Variants in GRIP1 observed in about 807,000 individuals in gnomAD.
GRIP1 encodes the protein glutamate receptor-interacting protein 1.
GRIP1 carries 45 observed loss-of-function variants against 129.9 expected under a neutral mutation model. The observed-to-expected ratio is 0.35, with a 90% CI of 0.27 to 0.44. The LOEUF (loss-of-function observed/expected upper bound fraction) is 0.44, where lower values mean the gene tolerates loss of function less well. GRIP1 is among the 20% of genes least tolerant of loss of function. The probability of loss-of-function intolerance (pLI) is 1.00; values close to 1 mark genes in which losing one functional copy is unlikely to be tolerated. For synonymous variants in GRIP1, 530 were observed against 520.8 expected (o/e 1.02, Z -0.24); for missense variants, 1,196 against 1,396.8 (o/e 0.86, Z 2.29).
intron 2 of GRIP1, among the ~76,000 whole-genome samples, chr12:66,562,798 C>G (rs990879706): frequency 3.3e-5 from 5 of 152,096 alleles, no homozygotes; most frequent in Non-Finnish European, 7.3e-5. Context: ...CAAAACTTAA[C>G]TATTAATAGC....
chr12:67,050,793 T>G (rs554826442), intron 1 of GRIP1, among the ~76,000 whole-genome samples: 60 of 152,278 alleles, frequency 3.9e-4, no homozygotes, highest in African/African-American at 1.4e-3. Context: ...CTCTGCCCAC[T>G]GCTTTACCCC....
chr12:66,536,862 A>G (rs1592508714), intron 4 of GRIP1, among the ~76,000 whole-genome samples: 1 of 152,096 alleles, frequency 6.6e-6, no homozygotes, highest in South Asian at 2.1e-4. Flanking sequence ...AATTCTACCA[A>G]CTCTTCATAA....
chr12:66,352,286 C>T (rs1005173025), intron 24 of GRIP1, among the ~76,000 whole-genome samples: 3 of 152,068 alleles, frequency 2.0e-5, no homozygotes, highest in African/African-American at 7.2e-5. Flanking sequence ...TAAGTCGCAG[C>T]ATGTGAGCAG....
At chr12:66,723,913 T>C (rs2136461676) in intron 1 of GRIP1, among the ~76,000 whole-genome samples, 1 of 152,190 alleles carries the variant, frequency 6.6e-6, no homozygotes, top group Admixed American at 6.5e-5. Context: ...ATTAGGTCAG[T>C]GGTAGAGGGA....
intron 2 of GRIP1, among the ~76,000 whole-genome samples, chr12:66,577,199 C>T (rs1322234948): frequency 6.6e-6 from 1 of 152,188 alleles, no homozygotes; most frequent in African/African-American, 2.4e-5. Context: ...ATTCAAGTAT[C>T]TGAATGACTG....
At chr12:66,408,013 T>C (rs1274650528) in intron 15 of GRIP1, among the ~76,000 whole-genome samples, 1 of 152,128 alleles carries the variant, frequency 6.6e-6, no homozygotes, top group African/African-American at 2.4e-5. Context: ...AGCTCAGCCA[T>C]AGTACGACAG....
chr12:67,059,125 T>C (rs1041398777), intron 1 of GRIP1, among the ~76,000 whole-genome samples: 5 of 152,150 alleles, frequency 3.3e-5, no homozygotes, highest in African/African-American at 1.2e-4. Flanking sequence ...CTGCAGAAGG[T>C]GACTAAGACA....
intron 2 of GRIP1, among the ~76,000 whole-genome samples, chr12:66,584,968 G>A (rs1447507924): frequency 1.3e-5 from 2 of 151,962 alleles, no homozygotes; most frequent in Non-Finnish European, 2.9e-5. Context: ...CTGCCTCTAT[G>A]CCCTTCCACA....
intron 1 of GRIP1, among the ~76,000 whole-genome samples, chr12:67,065,739 G>T (rs1197517806): frequency 6.6e-6 from 1 of 152,028 alleles, no homozygotes; most frequent in Non-Finnish European, 1.5e-5. Flanking sequence ...GTATGGTACC[G>T]GCAAAAGAAA....
At chr12:66,525,015 C>A (rs7958458) in intron 5 of GRIP1, among the ~76,000 whole-genome samples, 71,634 of 151,642 alleles carry the variant, frequency 0.47, 17,118 homozygotes, top group African/African-American at 0.56. Flanking sequence ...CAATAACAGG[C>A]TCTGAAATTG....
intron 1 of GRIP1, among the ~76,000 whole-genome samples, chr12:66,790,720 G>A (rs983036827): frequency 2.0e-5 from 3 of 152,070 alleles, no homozygotes; most frequent in Non-Finnish European, 4.4e-5. Context: ...AAGGTATTGA[G>A]TTCAGTTTAG....
At chr12:66,603,580 A>G (rs1012809423) in intron 1 of GRIP1, among the ~76,000 whole-genome samples, 2 of 152,246 alleles carry the variant, frequency 1.3e-5, no homozygotes, top group African/African-American at 4.8e-5. Context: ...TACGACCAAC[A>G]GCAACTGCAC....
At chr12:66,400,832 G>T (rs749643076) in intron 16 of GRIP1, among the ~76,000 whole-genome samples, 1 of 152,164 alleles carries the variant, frequency 6.6e-6, no homozygotes, top group Non-Finnish European at 1.5e-5. Context: ...ATCCCCAAAA[G>T]TCTCTACTGC....
intron 1 of GRIP1, among the ~76,000 whole-genome samples, chr12:66,741,636 CCAT>C (rs2036790345): frequency 1.3e-5 from 2 of 152,066 alleles, no homozygotes; most frequent in African/African-American, 4.8e-5. Context: ...CAAAAATTTC[CCAT>C]TTCAACATGT....
At chr12:66,819,516 G>T (rs933625784) in intron 1 of GRIP1, among the ~76,000 whole-genome samples, 1 of 152,116 alleles carries the variant, frequency 6.6e-6, no homozygotes, top group African/African-American at 2.4e-5. Context: ...TATGTACCAG[G>T]AATTGGGCTA....
intron 1 of GRIP1, among the ~76,000 whole-genome samples, chr12:66,602,221 C>T (rs1948452): frequency 0.34 from 51,200 of 151,956 alleles, 8,924 homozygotes; most frequent in Non-Finnish European, 0.37. Flanking sequence ...GGTTGCTTCT[C>T]TCCCATAGAC....
intron 1 of GRIP1, among the ~76,000 whole-genome samples, chr12:67,061,679 T>C (rs555092340): frequency 1.3e-5 from 2 of 152,298 alleles, no homozygotes; most frequent in African/African-American, 2.4e-5. Context: ...GAGATAAATG[T>C]ACAGAATAAT....
chr12:66,679,281 G>A (rs1592735678), upstream of GRIP1: 1 of 429,170 alleles, frequency 2.3e-6, no homozygotes, highest in East Asian at 6.7e-5. Context: ...AAGGCAAAAG[G>A]CGATGTATCC....
intron 2 of GRIP1, among the ~76,000 whole-genome samples, chr12:66,582,731 A>G (rs1413145142): frequency 6.9e-6 from 1 of 145,956 alleles, no homozygotes; most frequent in African/African-American, 2.5e-5. Flanking sequence ...GGAGAACTAC[A>G]AACCACTGCT....
Sources: gnomAD v4.1 joint callset for allele counts (sites outside exome capture counted in the v4.1 genomes callset) on GRCh38, gnomAD v4.1.1 for gene constraint, MANE v1.5 for transcripts, NCBI Gene and HGNC (gene_info 2026-07-23, HGNC 2026-07-21) for gene names.